Variants in POC1B observed in about 807,000 individuals in gnomAD.
POC1B encodes POC1 centriolar protein homolog B.
POC1B carries 44 observed loss-of-function variants against 60.6 expected under a neutral mutation model. That is an observed-to-expected ratio of 0.73 (90% confidence interval 0.57 to 0.93). POC1B has a LOEUF of 0.93. Among genes scored for constraint, POC1B ranks in the 40% least tolerant of loss-of-function variants. The probability of loss-of-function intolerance (pLI) is 0.00; values close to 1 mark genes in which losing one functional copy is unlikely to be tolerated. For missense variants in POC1B, 555 were observed against 572.3 expected (o/e 0.97, Z 0.31); for synonymous variants, 180 against 198.9 (o/e 0.90, Z 0.80).
At chr12:89,523,470 C>T in intron 2 of POC1B, 5 of 1,613,738 alleles carry the variant, frequency 3.1e-6, no homozygotes, top group Non-Finnish European at 4.2e-6. Context: ...ACACATGGCC[C>T]ACGTGGGAAC....
At chr12:89,471,784 T>TTTA in intron 5 of POC1B, 55 bp from the exon 6 acceptor site, 1 of 1,058,274 alleles carries the variant, frequency 9.4e-7, no homozygotes, top group Non-Finnish European at 1.4e-6. Context: ...TTTTTTTTTT[T>TTTA]GAGACGGAAT....
chr12:89,470,201 G>C (rs1394062689), intron 7 of POC1B, among the ~76,000 whole-genome samples, 160 bp downstream of exon 7: 2 of 152,130 alleles, frequency 1.3e-5, no homozygotes, highest in African/African-American at 4.8e-5. Flanking sequence ...GTTGCTTCCA[G>C]AGGATAAAAA....
At chr12:89,495,870 T>C (rs1484953373) in intron 3 of POC1B, among the ~76,000 whole-genome samples, 5 of 152,126 alleles carry the variant, frequency 3.3e-5, no homozygotes, top group African/African-American at 9.7e-5. Flanking sequence ...CAAGCAATTC[T>C]CTTGCCTCAG....
At chr12:89,412,199 G>C in the POC1B span, among the ~76,000 whole-genome samples, 1 of 152,124 alleles carries the variant, frequency 6.6e-6, no homozygotes, top group Non-Finnish European at 1.5e-5. Context: ...ATCTGGCATC[G>C]AGCTTCACAA....
At chr12:89,412,676 CAA>C in the POC1B span, among the ~76,000 whole-genome samples, 73 of 139,014 alleles carry the variant, frequency 5.3e-4, no homozygotes, top group East Asian at 6.3e-4. Context: ...GACTCCGTCT[CAA>C]AAAAAAAAAA....
intron 4 of POC1B, among the ~76,000 whole-genome samples, chr12:89,490,423 C>T (rs1329114589): frequency 6.6e-6 from 1 of 152,168 alleles, no homozygotes; most frequent in Non-Finnish European, 1.5e-5. Flanking sequence ...CAGCTCACTG[C>T]ACCCTCTGCC....
At chr12:89,518,652 ATC>A (rs1944435719) in intron 2 of POC1B, among the ~76,000 whole-genome samples, 1 of 152,144 alleles carries the variant, frequency 6.6e-6, no homozygotes, top group Non-Finnish European at 1.5e-5. Context: ...CCAAAAATTC[ATC>A]TCTGTTAGCG....
chr12:89,522,689 A>C (rs1870986085), intron 2 of POC1B: 1 of 1,275,202 alleles, frequency 7.8e-7, no homozygotes, highest in South Asian at 1.9e-5. Flanking sequence ...CCAGCTTTCC[A>C]GTGCTCCACA....
intron 2 of POC1B, among the ~76,000 whole-genome samples, chr12:89,509,522 G>T (rs1438843391): frequency 6.6e-6 from 1 of 152,062 alleles, no homozygotes; most frequent in East Asian, 1.9e-4. Context: ...TATTGCTACT[G>T]GTGTGTCAGT....
At chr12:89,435,688 G>A (rs1464531192) in intron 10 of POC1B, among the ~76,000 whole-genome samples, 1 of 152,050 alleles carries the variant, frequency 6.6e-6, no homozygotes, top group African/African-American at 2.4e-5. Flanking sequence ...CAATGGCTAT[G>A]TTTACATAGA....
chr12:89,409,431 G>C, the POC1B span, among the ~76,000 whole-genome samples: 1 of 152,184 alleles, frequency 6.6e-6, no homozygotes, highest in Non-Finnish European at 1.5e-5. Flanking sequence ...TCAGATGGTT[G>C]TAGATGCGTG....
intron 11 of POC1B, among the ~76,000 whole-genome samples, chr12:89,423,477 A>G: frequency 6.6e-6 from 1 of 152,150 alleles, no homozygotes; most frequent in Non-Finnish European, 1.5e-5. Context: ...TCCAAATGCT[A>G]GAAGTTATTT....
intron 4 of POC1B, among the ~76,000 whole-genome samples, chr12:89,480,595 A>ATTTTTTT (rs765505677): frequency 1.8e-3 from 129 of 69,800 alleles, no homozygotes; most frequent in Non-Finnish European, 2.1e-3. Flanking sequence ...TAATTTTTGT[A>ATTTTTTT]TTTTTTTTTT....
At chr12:89,482,643 A>G (rs1480352419) in intron 4 of POC1B, among the ~76,000 whole-genome samples, 2 of 152,202 alleles carry the variant, frequency 1.3e-5, no homozygotes, top group Non-Finnish European at 2.9e-5. Flanking sequence ...ATGCAAACTA[A>G]AAGACAATAG....
intron 7 of POC1B, among the ~76,000 whole-genome samples, chr12:89,470,064 G>A (rs1412256487): frequency 6.6e-6 from 1 of 151,928 alleles, no homozygotes; most frequent in Non-Finnish European, 1.5e-5. Flanking sequence ...TAGAAATGGG[G>A]TTTCATCATG....
rs367956457 is a variant in POC1B, at chr12:89,524,325, C to T, written c.100+795G>A. The T allele has an allele frequency of 4.5e-5, 72 of 1,614,036 alleles. 2 individuals carry two copies. The Middle Eastern group carries it at 1.2e-3, about 26-fold the overall frequency. ...GGAGTTTGCTGGCTTTCCCCCACTC[C>T]CCAAGTGCACGGGAATCTGCAGGGG... On this transcript the variant is annotated intron_variant, in intron 2 of 11. Coordinates refer to ENST00000313546, the MANE Select transcript of POC1B (RefSeq NM_172240.3).
At chr12:89,408,465 T>C in the POC1B span, among the ~76,000 whole-genome samples, 1 of 151,656 alleles carries the variant, frequency 6.6e-6, no homozygotes, top group Non-Finnish European at 1.5e-5. Flanking sequence ...TGCTCCAGCA[T>C]GTGTTGTTTC....
In POC1B at chr12:89,523,832, G is replaced by C. The variant is rs760474410; in HGVS notation, c.100+1288C>G. On this transcript the variant is annotated intron_variant, in intron 2 of 11. Coordinates refer to ENST00000313546, the MANE Select transcript of POC1B (RefSeq NM_172240.3). ...TCATCTCTCCCAATCCTTTCCAAAAGCGGTTCCAGCCAACCGGAATTACAC... is the reference window on the plus strand; with the variant it reads ...TCATCTCTCCCAATCCTTTCCAAAACCGGTTCCAGCCAACCGGAATTACAC... 19 of 1,542,176 alleles carry C rather than the reference G, an allele frequency of 1.2e-5. No individual in the cohort carries two copies. Among genetic ancestry groups the C allele is most frequent in the Non-Finnish European group, 1.6e-5 (18 of 1,150,110 alleles).
intron 3 of POC1B, among the ~76,000 whole-genome samples, chr12:89,493,997 C>T (rs1233467333): frequency 6.6e-6 from 1 of 152,228 alleles, no homozygotes; most frequent in Non-Finnish European, 1.5e-5. Context: ...GTGACCAACT[C>T]TGAGCCAGAC....
Sources: gnomAD v4.1 joint callset for allele counts (sites outside exome capture counted in the v4.1 genomes callset) on GRCh38, gnomAD v4.1.1 for gene constraint, MANE v1.5 for transcripts, NCBI Gene and HGNC (gene_info 2026-07-23, HGNC 2026-07-21) for gene names.